KIAA0319L: variants seen among roughly 807,000 people sequenced by gnomAD.
The protein encoded by KIAA0319L is dyslexia-associated protein KIAA0319-like protein.
Under a neutral mutation model 120.1 loss-of-function variants are expected in KIAA0319L, and 55 were observed. The ratio of observed to expected loss-of-function variants is 0.46; its 90% confidence interval spans 0.37 to 0.57. KIAA0319L has a LOEUF of 0.57. Ranked by LOEUF, KIAA0319L falls within the 20% of genes least tolerant of loss-of-function variation. The pLI is 0.00. For missense variants in KIAA0319L, 1,049 were observed against 1,255.3 expected, an observed-to-expected ratio of 0.84 and a Z score of 2.48; for synonymous variants, 398 against 471.9, an observed-to-expected ratio of 0.84 and a Z score of 2.03.
chr1:35,447,237 TAA>T (rs34645390), intron 16 of KIAA0319L, among the ~76,000 whole-genome samples: 4,751 of 137,952 alleles, frequency 0.034, 193 homozygotes, highest in African/African-American at 0.1. Context: ...GATCTTTCTT[TAA>T]AAAAAAAAAA....
chr1:35,443,069 G>A, intron 17 of KIAA0319L, 41 bp from the exon 18 acceptor site: 1 of 1,613,348 alleles, frequency 6.2e-7, no homozygotes, highest in Non-Finnish European at 8.5e-7. Flanking sequence ...ACAAGACTCA[G>A]CCAGGGGTGA....
intron 16 of KIAA0319L, among the ~76,000 whole-genome samples, chr1:35,446,829 T>TGCATGA (rs1030082574): frequency 1.4e-4 from 21 of 152,336 alleles, no homozygotes; most frequent in East Asian, 9.6e-4. Context: ...CTTTGGCTCC[T>TGCATGA]GCCTGTATGC....
intron 3 of KIAA0319L, among the ~76,000 whole-genome samples, chr1:35,485,178 G>A (rs1414781328): frequency 6.6e-6 from 1 of 151,958 alleles, no homozygotes; most frequent in Non-Finnish European, 1.5e-5. Flanking sequence ...ATCTACTGGA[G>A]TAGCTATCGA....
rs1641333571 is a variant in KIAA0319L at position 35,442,924 on chromosome 1, C to A, written c.2761G>T (p.Asp921Tyr). 5 of 1,614,242 alleles carry A rather than the reference C, an allele frequency of 3.1e-6. No homozygotes were observed. The highest frequency in any genetic ancestry group is 4.2e-6 in the Non-Finnish European group (5 of 1,180,040). Reference protein sequence around the residue: ...MENFIKVQLRDGDSNCEWSVL... With the variant: ...MENFIKVQLRYGDSNCEWSVL... Reference sequence around the variant, plus strand: ...AACTCACCACAGTTGCTGTCTCCATCCCTCAGCTGCACCTTGATGAAATTC... The same window carrying A: ...AACTCACCACAGTTGCTGTCTCCATACCTCAGCTGCACCTTGATGAAATTC... The change falls in exon 18 of 21, where the codon GAT (aspartate) becomes TAT (tyrosine). Residue 921 changes from aspartate to tyrosine, a missense_variant. Physicochemically the swap from Asp to Tyr is radical, Grantham distance 160. Transcript: ENST00000325722.
chr1:35,544,146 T>C (rs771564331), intron 2 of KIAA0319L, among the ~76,000 whole-genome samples: 14 of 152,122 alleles, frequency 9.2e-5, no homozygotes, highest in Non-Finnish European at 1.3e-4. Context: ...GGCGGGCAGA[T>C]TGCCTGCGCT....
chr1:35,476,418 C>T (rs776612138), intron 4 of KIAA0319L, among the ~76,000 whole-genome samples: 1 of 152,178 alleles, frequency 6.6e-6, no homozygotes, highest in Non-Finnish European at 1.5e-5. Context: ...AAACAATAGG[C>T]TAGTCCACTC....
At chr1:35,450,274 C>A in intron 14 of KIAA0319L, 84 bp downstream of exon 14, 1 of 1,391,978 alleles carries the variant, frequency 7.2e-7, no homozygotes, top group African/African-American at 1.4e-5. Context: ...ATATAAGGGA[C>A]CACTTGATTA....
intron 20 of KIAA0319L, among the ~76,000 whole-genome samples, chr1:35,435,817 A>G (rs1570586995): frequency 6.6e-6 from 1 of 152,220 alleles, no homozygotes; most frequent in African/African-American, 2.4e-5. Context: ...GGCCACAGAC[A>G]TGAAATGTGG....
intron 2 of KIAA0319L, among the ~76,000 whole-genome samples, chr1:35,529,769 TA>T (rs1304066123): frequency 6.6e-6 from 1 of 152,220 alleles, no homozygotes; most frequent in Non-Finnish European, 1.5e-5. Context: ...ACAGTTTGAC[TA>T]TCATGTGCCA....
At chr1:35,555,122 C>A (rs1647768299) in intron 1 of KIAA0319L, 1 of 152,174 alleles carries the variant, frequency 6.6e-6, no homozygotes, top group Non-Finnish European at 1.5e-5. Flanking sequence ...ACGTCAGGCA[C>A]TATGCTGGCT....
rs1645197308 is a variant in KIAA0319L at position 35,506,196 on chromosome 1, A to T, written c.666+416T>A. On this transcript the variant is annotated intron_variant, in intron 3 of 20. Coordinates refer to ENST00000325722, the MANE Select transcript of KIAA0319L (RefSeq NM_024874.5). This position sits in a 1 kb window ranked among gnomAD's most constrained non-coding sequence, Gnocchi z 4.0. ...ACCAAGCATGGTTAATTCTGACTGGAATAGAAACTACCTCATAAAGAATGT... is the reference window on the plus strand; with the variant it reads ...ACCAAGCATGGTTAATTCTGACTGGTATAGAAACTACCTCATAAAGAATGT... 2.0e-5 allele frequency among the ~76,000 whole-genome samples: 3 copies of T among 152,334 alleles called. No homozygotes were observed. In the South Asian group the frequency reaches 6.2e-4, roughly 32 times the overall value.
chr1:35,522,558 G>C (rs1009299113), intron 2 of KIAA0319L, among the ~76,000 whole-genome samples: 2 of 152,092 alleles, frequency 1.3e-5, no homozygotes, highest in Non-Finnish European at 2.9e-5. Context: ...GATTACAGGC[G>C]TGAGCCACTG....
chr1:35,512,782 T>A (rs1645505276), intron 2 of KIAA0319L, among the ~76,000 whole-genome samples: 1 of 144,658 alleles, frequency 6.9e-6, no homozygotes, highest in African/African-American at 2.6e-5. Context: ...GGCAGGAGAA[T>A]CACTTGCCTC....
At chr1:35,500,174 T>C (rs1415027650) in intron 3 of KIAA0319L, among the ~76,000 whole-genome samples, 1 of 152,242 alleles carries the variant, frequency 6.6e-6, no homozygotes, top group East Asian at 1.9e-4. Flanking sequence ...GATACCTAAG[T>C]GGACTTTCAT....
At chr1:35,445,626 T>C (rs1486584393) in intron 16 of KIAA0319L, among the ~76,000 whole-genome samples, 4 of 152,122 alleles carry the variant, frequency 2.6e-5, no homozygotes, top group Non-Finnish European at 4.4e-5. Flanking sequence ...AACAATCCTA[T>C]AAATAGGTAC....
intron 16 of KIAA0319L, 58 bp from the exon 17 acceptor site, chr1:35,444,361 C>T (rs1211394088): frequency 2.1e-6 from 3 of 1,460,676 alleles, no homozygotes; most frequent in Non-Finnish European, 2.8e-6. Flanking sequence ...GCAGCAACAG[C>T]TAACATTTAC....
chr1:35,485,680 G>A (rs1319256704), intron 3 of KIAA0319L, among the ~76,000 whole-genome samples: 11 of 152,220 alleles, frequency 7.2e-5, no homozygotes, highest in Non-Finnish European at 1.6e-4. Flanking sequence ...TAGCAAAGCT[G>A]TGGATTCTCT....
At chr1:35,507,921 T>C (rs544816826) in intron 2 of KIAA0319L, among the ~76,000 whole-genome samples, 1 of 152,376 alleles carries the variant, frequency 6.6e-6, no homozygotes, top group South Asian at 2.1e-4. Flanking sequence ...TGCTGATGGA[T>C]AAACTTTGGA....
In KIAA0319L at chr1:35,443,015, G is replaced by A. The variant is rs1641339610; in HGVS notation, c.2670C>T (p.Asn890=). 6.2e-7 allele frequency: 1 copy of A among 1,614,218 alleles called. No individual in the cohort carries two copies. Among genetic ancestry groups the A allele is most frequent in the East Asian group, 2.2e-5 (1 of 44,884 alleles). The part of the protein sequence containing the change: ...LEVNTVTCQL[N]CSDHGHCDSF... ...AGTCACAGTGGCCATGGTCGGAACA[G>A]TTCAGCTGACATGCTGAGAGTGGCA... The change falls in exon 18 of 21, where the codon AAC becomes AAT. Residue 890 remains asparagine (N), a synonymous_variant. Transcript: ENST00000325722.
Sources: gnomAD v4.1 joint callset for allele counts (sites outside exome capture counted in the v4.1 genomes callset) on GRCh38, gnomAD v4.1.1 for gene constraint, Gnocchi (gnomAD v3.1) non-coding constraint, MANE v1.5 for transcripts, NCBI Gene and HGNC (gene_info 2026-07-23, HGNC 2026-07-21) for gene names.